Variants in EXTL3 observed in about 807,000 individuals in gnomAD.
EXTL3 encodes exostosin-like 3.
Under a neutral mutation model 69.3 loss-of-function variants are expected in EXTL3, and 27 were observed. That is an observed-to-expected ratio of 0.39 (90% CI 0.29 to 0.54). The LOEUF (loss-of-function observed/expected upper bound fraction) is 0.54. Among genes scored for constraint, EXTL3 ranks in the 20% least tolerant of loss-of-function variants. The pLI is 0.69. For synonymous variants in EXTL3, 511 were observed against 499.4 expected (o/e 1.02, Z -0.31); for missense variants, 1,003 against 1,231.8 (o/e 0.81, Z 2.78).
intron 1 of EXTL3, among the ~76,000 whole-genome samples, chr8:28,680,083 A>G (rs1415073392): frequency 2.6e-5 from 4 of 151,154 alleles, no homozygotes; most frequent in Non-Finnish European, 4.4e-5. Context: ...GACAAATACT[A>G]TTGCCTTAAA....
intron 1 of EXTL3, among the ~76,000 whole-genome samples, chr8:28,630,419 C>T (rs952822424): frequency 6.6e-6 from 1 of 152,074 alleles, no homozygotes; most frequent in Non-Finnish European, 1.5e-5. Flanking sequence ...AACCCACTAA[C>T]CCACTATTTG....
At chr8:28,721,798 T>C (rs573180236) in intron 3 of EXTL3, among the ~76,000 whole-genome samples, 12 of 152,360 alleles carry the variant, frequency 7.9e-5, no homozygotes, top group African/African-American at 2.6e-4. Flanking sequence ...CTCTGCTTTA[T>C]ACTCTGGAAA....
intron 1 of EXTL3, chr8:28,710,602 T>G: frequency 2.7e-6 from 1 of 367,026 alleles, no homozygotes; most frequent in South Asian, 2.1e-5. Context: ...TTTTTGTAGT[T>G]TTCTTTCTTT....
intron 1 of EXTL3, among the ~76,000 whole-genome samples, chr8:28,647,631 C>T (rs1011610894): frequency 1.3e-5 from 2 of 152,230 alleles, no homozygotes; most frequent in South Asian, 2.1e-4. Context: ...TTGGGAGTCT[C>T]GCTTTCAGCC....
At chr8:28,738,946 G>A (rs1379014724) in intron 5 of EXTL3, among the ~76,000 whole-genome samples, 1 of 152,150 alleles carries the variant, frequency 6.6e-6, no homozygotes, top group East Asian at 1.9e-4. Flanking sequence ...TGCCTCCACT[G>A]TCCTCACGGA....
chr8:28,667,241 A>T (rs1807211104), intron 1 of EXTL3, among the ~76,000 whole-genome samples: 3 of 152,318 alleles, frequency 2.0e-5, no homozygotes, highest in South Asian at 2.1e-4. Context: ...TTTGTAGACA[A>T]TGGACAAGGT....
At chr8:28,616,136 T>C (rs13271631) in intron 2 of EXTL3, among the ~76,000 whole-genome samples, 31,903 of 152,150 alleles carry the variant, frequency 0.21, 3,982 homozygotes, top group Non-Finnish European at 0.28. Context: ...TGAAGTATTC[T>C]TGCAAAGGGC....
intron 1 of EXTL3, among the ~76,000 whole-genome samples, chr8:28,662,907 C>T (rs764871283): frequency 1.3e-5 from 2 of 152,086 alleles, no homozygotes; most frequent in Non-Finnish European, 2.9e-5. Flanking sequence ...CAGTGAACCA[C>T]GATTGTGCCA....
chr8:28,625,740 G>A (rs28510145), intron 1 of EXTL3, among the ~76,000 whole-genome samples: 4,103 of 152,192 alleles, frequency 0.027, 191 homozygotes, highest in African/African-American at 0.094. Context: ...GATGATAGAT[G>A]TCTGCTCGTA....
At chr8:28,679,555 C>T (rs970754648) in intron 1 of EXTL3, among the ~76,000 whole-genome samples, 7 of 151,954 alleles carry the variant, frequency 4.6e-5, no homozygotes, top group African/African-American at 1.7e-4. Context: ...CTGGGCAACA[C>T]AGGGAGACCC....
chr8:28,613,113 T>C (rs1392979293), intron 2 of EXTL3, among the ~76,000 whole-genome samples: 1 of 152,244 alleles, frequency 6.6e-6, no homozygotes, highest in Non-Finnish European at 1.5e-5. Flanking sequence ...TCTATAGTTT[T>C]CTTTTCTTGT....
intron 1 of EXTL3, among the ~76,000 whole-genome samples, chr8:28,662,702 C>T (rs533498765): frequency 3.6e-4 from 55 of 152,048 alleles, no homozygotes; most frequent in African/African-American, 1.3e-3. Context: ...TAATTAGAGT[C>T]CAGGGGTTCG....
rs1801992723 is a variant in EXTL3, at chr8:28,751,053, GC to G, written c.*190del. On this transcript the variant is annotated 3_prime_UTR_variant, in exon 7 of 7. Coordinates refer to ENST00000220562, the MANE Select transcript of EXTL3 (RefSeq NM_001440.4). ...TGAAGTCAGCCACACTGGGCCTGGAGCCCTGGGCGGAGTCCCCGGGGTTCCC... is the reference window on the plus strand; with the variant it reads ...TGAAGTCAGCCACACTGGGCCTGGAGCCTGGGCGGAGTCCCCGGGGTTCCC... The G allele has an allele frequency of 1.6e-6, 1 of 610,894 alleles. No homozygotes were observed. The highest frequency in any genetic ancestry group is 2.9e-6 in the Non-Finnish European group (1 of 345,428). The allele number at this position is 610,894 out of a possible 1,614,324, so 37.8% of individuals were successfully genotyped here.
chr8:28,622,113 T>G (rs957809841), upstream of EXTL3, among the ~76,000 whole-genome samples: 9 of 152,166 alleles, frequency 5.9e-5, no homozygotes, highest in African/African-American at 1.4e-4. Context: ...TCCCCAGAAA[T>G]AAAAACGACG....
At chr8:28,688,401 G>A (rs1180611122) in intron 1 of EXTL3, among the ~76,000 whole-genome samples, 9 of 152,094 alleles carry the variant, frequency 5.9e-5, no homozygotes, top group African/African-American at 2.2e-4. Context: ...TGATGATGAT[G>A]ACAGCAGTTG....
At chr8:28,739,080 C>G (rs1270839197) in intron 5 of EXTL3, among the ~76,000 whole-genome samples, 1 of 152,210 alleles carries the variant, frequency 6.6e-6, no homozygotes, top group African/African-American at 2.4e-5. Flanking sequence ...TTCTTAGCAT[C>G]TGCAGGCTGG....
intron 6 of EXTL3, chr8:28,743,906 A>C (rs544072044): frequency 6.5e-6 from 1 of 153,572 alleles, no homozygotes; most frequent in South Asian, 2.0e-4. Context: ...CTGGCACATA[A>C]GTACTATATA....
intron 6 of EXTL3, among the ~76,000 whole-genome samples, chr8:28,749,670 A>T (rs1001168206): frequency 6.6e-6 from 1 of 151,008 alleles, no homozygotes; most frequent in Non-Finnish European, 1.5e-5. Context: ...TTCATTATTC[A>T]TTGTTTATTC....
chr8:28,618,866 C>T (rs1400987266), upstream of EXTL3, among the ~76,000 whole-genome samples: 2 of 151,294 alleles, frequency 1.3e-5, no homozygotes, highest in South Asian at 2.1e-4. Flanking sequence ...TGGTGGATCA[C>T]GAGGTCAGGA....
Sources: allele counts gnomAD v4.1 joint callset (sites outside exome capture counted in the v4.1 genomes callset), GRCh38; gene constraint gnomAD v4.1.1; transcripts MANE v1.5; gene names NCBI Gene and HGNC (gene_info 2026-07-23, HGNC 2026-07-21).